KPNA4: variants seen among roughly 807,000 people sequenced by gnomAD.
The protein encoded by KPNA4 is importin subunit alpha-3.
KPNA4 carries 13 observed loss-of-function variants against 71.3 expected under a neutral mutation model. The ratio of observed to expected loss-of-function variants is 0.18; its 90% CI spans 0.12 to 0.29. The LOEUF (loss-of-function observed/expected upper bound fraction) is 0.29. Among genes scored for constraint, KPNA4 ranks in the 10% least tolerant of loss-of-function variants. The pLI is 1.00. For missense variants in KPNA4, 334 were observed against 603.2 expected (o/e 0.55, Z 4.67); for synonymous variants, 189 against 195.2 (o/e 0.97, Z 0.26).
intron 5 of KPNA4, among the ~76,000 whole-genome samples, chr3:160,532,765 G>A (rs1194458060): frequency 1.3e-5 from 2 of 152,018 alleles, no homozygotes; most frequent in Non-Finnish European, 2.9e-5. Flanking sequence ...TAAACTCCTT[G>A]ACCTAGCTTT....
At chr3:160,509,951 A>T in intron 13 of KPNA4, 80 bp from the exon 14 acceptor site, 1 of 859,482 alleles carries the variant, frequency 1.2e-6, no homozygotes, top group Non-Finnish European at 2.0e-6. Flanking sequence ...ATGATTTTTC[A>T]ACTGCTTATT....
chr3:160,502,321 CTG>C (rs999758371), intron 16 of KPNA4, 119 bp from the exon 17 acceptor site: 1 of 386,292 alleles, frequency 2.6e-6, no homozygotes, highest in Non-Finnish European at 4.7e-6. Context: ...AATGCCAACA[CTG>C]TCTTACCATC....
chr3:160,550,863 G>GGTCAT (rs1346095909), intron 1 of KPNA4, among the ~76,000 whole-genome samples: 1 of 152,144 alleles, frequency 6.6e-6, no homozygotes, highest in Admixed American at 6.5e-5. Flanking sequence ...AATTCCACTT[G>GGTCAT]GTCATGGTAT....
At chr3:160,537,628 A>G (rs962932705) in intron 1 of KPNA4, among the ~76,000 whole-genome samples, 1 of 148,836 alleles carries the variant, frequency 6.7e-6, no homozygotes, top group South Asian at 2.2e-4. Flanking sequence ...AACAACTCAG[A>G]AAGTCATACT....
chr3:160,522,349 G>T (rs988197128), intron 10 of KPNA4, among the ~76,000 whole-genome samples: 13 of 152,206 alleles, frequency 8.5e-5, no homozygotes, highest in East Asian at 3.8e-4. Context: ...CTCTAGTATT[G>T]TAAGTACCAT....
chr3:160,506,031 T>C (rs1720975877), intron 15 of KPNA4, among the ~76,000 whole-genome samples: 1 of 152,070 alleles, frequency 6.6e-6, no homozygotes. Flanking sequence ...AAAGCCCAAG[T>C]TCCCCTTTCC....
intron 10 of KPNA4, among the ~76,000 whole-genome samples, chr3:160,523,155 T>C (rs1325840366): frequency 1.3e-5 from 2 of 152,138 alleles, no homozygotes; most frequent in African/African-American, 4.8e-5. Flanking sequence ...CAAGACAAGC[T>C]GGAGAAGTGT....
chr3:160,544,301 G>A (rs1721863454), intron 1 of KPNA4, among the ~76,000 whole-genome samples: 2 of 152,198 alleles, frequency 1.3e-5, no homozygotes, highest in African/African-American at 4.8e-5. Flanking sequence ...GGTTTGGTGA[G>A]ACACATATAA....
intron 1 of KPNA4, among the ~76,000 whole-genome samples, chr3:160,555,367 T>C (rs1722115822): frequency 6.6e-6 from 1 of 152,210 alleles, no homozygotes; most frequent in Admixed American, 6.5e-5. Context: ...GGTTCATCCA[T>C]ACCGTTGCAT....
chr3:160,522,535 G>C (rs2108548996), intron 10 of KPNA4, among the ~76,000 whole-genome samples: 1 of 151,842 alleles, frequency 6.6e-6, no homozygotes, highest in Non-Finnish European at 1.5e-5. Flanking sequence ...TCGGTTCACT[G>C]CAAGCTCCGC....
rs112347427 is a variant in KPNA4, at chr3:160,554,759, T to C, written c.69+10455A>G. 7.9e-5 allele frequency among the ~76,000 whole-genome samples: 12 copies of C among 152,340 alleles called. No individual in the cohort carries two copies. The South Asian group carries it at 2.1e-3, about 26-fold the overall frequency. ...ATGAAGTTTCCATAAAAACTCAAAA[T>C]GGGTTCTGAGAGCTTCTGGATAGCA... is the stretch of plus-strand genomic sequence containing the variant. On this transcript the variant is annotated intron_variant, in intron 1 of 16. Transcript: ENST00000334256.
At chr3:160,517,910 T>C (rs904087833) in intron 11 of KPNA4, among the ~76,000 whole-genome samples, 3 of 152,228 alleles carry the variant, frequency 2.0e-5, no homozygotes, top group African/African-American at 4.8e-5. Context: ...TTCTATTCTA[T>C]GGGTTGTCTT....
At chr3:160,564,748 C>G (rs1722305413) in intron 1 of KPNA4, 1 of 151,816 alleles carries the variant, frequency 6.6e-6, no homozygotes, top group Admixed American at 6.5e-5. Context: ...AAGTTCAGAG[C>G]CCCACTCGGT....
At chr3:160,513,610 A>G (rs1293260078) in intron 13 of KPNA4, among the ~76,000 whole-genome samples, 1 of 152,084 alleles carries the variant, frequency 6.6e-6, no homozygotes, top group Non-Finnish European at 1.5e-5. Context: ...TGCTAATATG[A>G]GCATGAGAGA....
chr3:160,534,217 A>G (rs1241506868), intron 5 of KPNA4, among the ~76,000 whole-genome samples: 1 of 152,206 alleles, frequency 6.6e-6, no homozygotes, highest in Non-Finnish European at 1.5e-5. Context: ...CAAATTCTGT[A>G]ACTAGGATCA....
chr3:160,506,440 GGATTA>G (rs1328800569), intron 15 of KPNA4, among the ~76,000 whole-genome samples: 14 of 152,100 alleles, frequency 9.2e-5, no homozygotes, highest in Non-Finnish European at 1.5e-5. Flanking sequence ...CAAAGTGCTG[GGATTA>G]CAGGTGTGAG....
chr3:160,495,347 C>A lies in KPNA4; in HGVS notation c.*6757G>T, dbSNP rs964072636. ...AAGCCAGGATGCAAACAAACATTTC[C>A]TATCTGCTGTGTATTTTCTTGCTCC... On this transcript the variant is annotated 3_prime_UTR_variant, in exon 17 of 17. Transcript: ENST00000334256. 6.6e-6 allele frequency: 1 copy of A among 152,128 alleles called. No homozygotes were observed. Among genetic ancestry groups the A allele is most frequent in the Admixed American group, 6.5e-5 (1 of 15,270 alleles). The allele number at this position is 152,128 out of a possible 1,614,324, so 9.4% of individuals were successfully genotyped here.
chr3:160,510,786 C>T (rs1018158411), intron 13 of KPNA4, among the ~76,000 whole-genome samples: 1 of 151,724 alleles, frequency 6.6e-6, no homozygotes, highest in Non-Finnish European at 1.5e-5. Context: ...CAAAAAAAAA[C>T]TTACAAGCTA....
At chr3:160,519,622 G>A (rs1371237918) in intron 11 of KPNA4, among the ~76,000 whole-genome samples, 4 of 150,736 alleles carry the variant, frequency 2.7e-5, no homozygotes, top group Admixed American at 6.6e-5. Context: ...GTGAAACCCC[G>A]TCTCTACTAA....
Sources: gnomAD v4.1 joint callset for allele counts (sites outside exome capture counted in the v4.1 genomes callset) on GRCh38, gnomAD v4.1.1 for gene constraint, MANE v1.5 for transcripts, NCBI Gene and HGNC (gene_info 2026-07-23, HGNC 2026-07-21) for gene names.